The following MMEL1 variants were observed in gnomAD, a reference collection of about 807,000 sequenced individuals.
The protein encoded by MMEL1 is membrane metalloendopeptidase like 1, also known as membrane metallo-endopeptidase-like 1.
Under a neutral mutation model 117.1 loss-of-function variants are expected in MMEL1, and 98 were observed. The observed-to-expected ratio is 0.84, with a 90% confidence interval of 0.71 to 0.99. The LOEUF (loss-of-function observed/expected upper bound fraction) is 0.99, where lower values mean the gene tolerates loss of function less well. Among genes scored for constraint, MMEL1 ranks in the 50% least tolerant of loss-of-function variants. The pLI, the probability that MMEL1 is intolerant of heterozygous loss-of-function variation, is 0.00. For missense variants in MMEL1, 1,014 were observed against 1,049.1 expected, an observed-to-expected ratio of 0.97 and a Z score of 0.46; for synonymous variants, 390 against 415.1, an observed-to-expected ratio of 0.94 and a Z score of 0.74.
intron 2 of MMEL1, among the ~76,000 whole-genome samples, chr1:2,627,261 A>T (rs1399342588): frequency 6.6e-6 from 1 of 152,258 alleles, no homozygotes; most frequent in African/African-American, 2.4e-5. Flanking sequence ...ATATCGCCTT[A>T]AATAGGTAAA....
chr1:2,617,210 G>A (rs1024139892), intron 2 of MMEL1, among the ~76,000 whole-genome samples: 9 of 152,034 alleles, frequency 5.9e-5, no homozygotes, highest in Admixed American at 2.6e-4. Flanking sequence ...GGCGGATCAC[G>A]AGGTCAGGAG....
At chr1:2,593,468 C>A (rs1000804942) in intron 19 of MMEL1, among the ~76,000 whole-genome samples, 1 of 152,316 alleles carries the variant, frequency 6.6e-6, no homozygotes, top group African/African-American at 2.4e-5. Flanking sequence ...GGATGCTGGC[C>A]GTCTGGAGAG....
chr1:2,595,864 C>T lies in MMEL1; in HGVS notation c.1500+145G>A, dbSNP rs558190817. Reference sequence around the variant, plus strand: ...CCCGTGGGGTCCTGTCTGCGCCTCCCGGGGCTGCCTTCTCCCCGTGGGGTC... The same window carrying T: ...CCCGTGGGGTCCTGTCTGCGCCTCCTGGGGCTGCCTTCTCCCCGTGGGGTC... On this transcript the variant is annotated intron_variant, in intron 15 of 23. Coordinates refer to ENST00000378412, the MANE Select transcript of MMEL1 (RefSeq NM_033467.4). This position sits in a 1 kb window ranked among gnomAD's most constrained non-coding sequence, Gnocchi z 4.8. 4.6e-5 allele frequency: 30 copies of T among 645,496 alleles called. No individual in the cohort carries two copies. Among genetic ancestry groups the T allele is most frequent in the South Asian group, 1.8e-4 (10 of 54,964 alleles). 40.0% of individuals were successfully genotyped at this position (645,496 alleles called of 1,614,324 possible). A position where few individuals can be genotyped will look rare whatever the true frequency, so the allele number is the denominator to read the frequency against.
chr1:2,625,654 G>A (rs911228345), intron 2 of MMEL1, among the ~76,000 whole-genome samples: 5 of 152,316 alleles, frequency 3.3e-5, no homozygotes, highest in Admixed American at 6.5e-5. Context: ...GAAAGTGAAC[G>A]TTTGACTACG....
chr1:2,630,472 A>ATG (rs371684204), intron 1 of MMEL1, among the ~76,000 whole-genome samples: 4 of 151,484 alleles, frequency 2.6e-5, no homozygotes, highest in East Asian at 2.0e-4. Context: ...TGGTGTGTGC[A>ATG]TGTGTGTGTG....
chr1:2,605,954 G>A (rs1199943721), intron 8 of MMEL1, among the ~76,000 whole-genome samples: 2 of 152,172 alleles, frequency 1.3e-5, no homozygotes, highest in African/African-American at 2.4e-5. Flanking sequence ...GCCAGCAGTG[G>A]ATCCCTGAGG....
At position 2,625,791 on chromosome 1, in the gene MMEL1, C is replaced by T. The variant is rs1034389282; in HGVS notation, c.154+3540G>A. Among the ~76,000 whole-genome samples the T allele has an allele frequency of 3.9e-5, 6 of 152,110 alleles. No individual in the cohort carries two copies. The East Asian group carries it at 5.8e-4, about 15-fold the overall frequency. On this transcript the variant is annotated intron_variant, in intron 2 of 23. Coordinates refer to ENST00000378412, the MANE Select transcript of MMEL1 (RefSeq NM_033467.4). ...CAAATGGAAGTGGTATATACAAGATCGGGCTCAAGCAAGTCCTGAAGGCAC... is the reference window on the plus strand; with the variant it reads ...CAAATGGAAGTGGTATATACAAGATTGGGCTCAAGCAAGTCCTGAAGGCAC...
intron 1 of MMEL1, chr1:2,629,732 T>G: frequency 2.1e-6 from 1 of 465,258 alleles, no homozygotes; most frequent in Non-Finnish European, 3.7e-6. Context: ...TGCATGGAGG[T>G]TCTAGGACTG....
At chr1:2,613,078 A>G (rs1645154313) in intron 2 of MMEL1, among the ~76,000 whole-genome samples, 1 of 152,234 alleles carries the variant, frequency 6.6e-6, no homozygotes, top group Non-Finnish European at 1.5e-5. Context: ...CCATTCAAAA[A>G]GCCATTAGTG....
rs771599319 is a variant in MMEL1, at chr1:2,606,377, A to G, written c.632-11T>C. The stretch of plus-strand genomic sequence containing the variant: ...GCTCCCACTCGAGTCCTGGGGAGAC[A>G]GTGCCCCGCACTGGAGACTGGCGGG... On this transcript the variant is annotated splice_polypyrimidine_tract_variant and intron_variant, in intron 7 of 23. Coordinates refer to ENST00000378412, the MANE Select transcript of MMEL1 (RefSeq NM_033467.4). The G allele has an allele frequency of 3.1e-6, 5 of 1,606,816 alleles. No individual in the cohort carries two copies. Among genetic ancestry groups the G allele is most frequent in the Admixed American group, 3.3e-5 (2 of 59,980 alleles).
Position 2,590,911 on chromosome 1 carries a change from G to A in MMEL1, c.*79C>T. On this transcript the variant is annotated 3_prime_UTR_variant, in exon 24 of 24. Transcript: ENST00000378412. The stretch of plus-strand genomic sequence containing the variant: ...TTGGCCGGGGCGGGACGTACACTGG[G>A]TCGCCGCTAGCTGCACCTTCGCACA... 2 of 1,153,302 alleles carry A rather than the reference G, an allele frequency of 1.7e-6. No homozygotes were observed. Among genetic ancestry groups the A allele is most frequent in the Non-Finnish European group, 2.3e-6 (2 of 876,752 alleles). The allele number at this position is 1,153,302 out of a possible 1,614,324, so 71.4% of individuals were successfully genotyped here.
rs115247236 is a variant in MMEL1 at position 2,615,855 on chromosome 1, C to T, written c.155-3651G>A. 4.4e-3 allele frequency among the ~76,000 whole-genome samples: 668 copies of T among 152,130 alleles called. 3 individuals carry two copies. Among genetic ancestry groups the T allele is most frequent in the African/African-American group, 0.015 (629 of 41,484 alleles). On this transcript the variant is annotated intron_variant, in intron 2 of 23. Transcript: ENST00000378412. ...TATATGTAACTAGAGACTCAGAGAG[C>T]AATATTTGAAGAGATACTGACCAAT...
At chr1:2,613,378 C>A (rs1645158577) in intron 2 of MMEL1, among the ~76,000 whole-genome samples, 4 of 152,182 alleles carry the variant, frequency 2.6e-5, no homozygotes. Flanking sequence ...GGACTGTGGA[C>A]TCCAGAGGGC....
At chr1:2,607,116 C>G (rs368350143) in intron 6 of MMEL1, 47 bp from the exon 7 acceptor site, 4 of 1,522,658 alleles carry the variant, frequency 2.6e-6, no homozygotes, top group Non-Finnish European at 3.6e-6. Flanking sequence ...CTGTGGCTCA[C>G]GTGCCACGAC....
intron 2 of MMEL1, among the ~76,000 whole-genome samples, chr1:2,619,919 A>G (rs1393786666): frequency 6.6e-6 from 1 of 152,228 alleles, no homozygotes; most frequent in Non-Finnish European, 1.5e-5. Context: ...AAAAGCTGAA[A>G]GACATGGAGG....
chr1:2,594,529 C>A, intron 17 of MMEL1, 86 bp from the exon 18 acceptor site: 3 of 1,463,056 alleles, frequency 2.1e-6, no homozygotes, highest in Non-Finnish European at 2.8e-6. Context: ...CCAGGGCCTA[C>A]CCTGGCCACA....
intron 2 of MMEL1, among the ~76,000 whole-genome samples, chr1:2,621,652 C>T (rs4648655): frequency 0.018 from 2,716 of 152,208 alleles, 34 homozygotes; most frequent in Non-Finnish European, 0.028. Flanking sequence ...CAGCCTCCGC[C>T]TCTCAGGTTC....
intron 2 of MMEL1, among the ~76,000 whole-genome samples, chr1:2,625,291 T>C (rs1276062949): frequency 6.6e-6 from 1 of 152,178 alleles, no homozygotes. Context: ...AGTGGGCCTG[T>C]TTGGATTCTG....
intron 11 of MMEL1, among the ~76,000 whole-genome samples, chr1:2,603,504 G>T (rs1480807268): frequency 6.6e-6 from 1 of 152,184 alleles, no homozygotes; most frequent in South Asian, 2.1e-4. Flanking sequence ...GCAGGACTGG[G>T]AGGAAGCACC....
Sources: gnomAD v4.1 joint callset for allele counts (sites outside exome capture counted in the v4.1 genomes callset) on GRCh38, gnomAD v4.1.1 for gene constraint, Gnocchi (gnomAD v3.1) non-coding constraint, MANE v1.5 for transcripts, NCBI Gene and HGNC (gene_info 2026-07-23, HGNC 2026-07-21) for gene names.